RCOR1: variants seen among roughly 807,000 people sequenced by gnomAD.
The protein encoded by RCOR1 is REST corepressor 1.
RCOR1 carries 12 observed loss-of-function variants against 64.0 expected under a neutral mutation model. The ratio of observed to expected loss-of-function variants is 0.19; its 90% CI spans 0.12 to 0.30. The LOEUF (loss-of-function observed/expected upper bound fraction) is 0.30. Ranked by LOEUF, RCOR1 falls within the 10% of genes least tolerant of loss-of-function variation. The pLI is 1.00. For missense variants in RCOR1, 502 were observed against 621.2 expected, an observed-to-expected ratio of 0.81 and a Z score of 2.04; for synonymous variants, 279 against 227.2, an observed-to-expected ratio of 1.23 and a Z score of -2.05.
intron 2 of RCOR1, among the ~76,000 whole-genome samples, chr14:102,659,942 C>T (rs1373738361): frequency 6.6e-6 from 1 of 152,124 alleles, no homozygotes; most frequent in Non-Finnish European, 1.5e-5. Context: ...TCTTTTTACT[C>T]CAGACACTGA....
chr14:102,608,537 C>T (rs1196225078), intron 2 of RCOR1, among the ~76,000 whole-genome samples: 9 of 152,040 alleles, frequency 5.9e-5, no homozygotes, highest in African/African-American at 1.9e-4. Context: ...CTCGTTCAAG[C>T]GATTCTCCTG....
At chr14:102,641,014 G>A (rs571425301) in intron 2 of RCOR1, among the ~76,000 whole-genome samples, 4 of 152,276 alleles carry the variant, frequency 2.6e-5, no homozygotes, top group African/African-American at 9.6e-5. Flanking sequence ...AGCACTTTGG[G>A]AGGCTGAGGC....
At chr14:102,636,067 G>A (rs190673740) in intron 2 of RCOR1, among the ~76,000 whole-genome samples, 3 of 151,862 alleles carry the variant, frequency 2.0e-5, no homozygotes, top group African/African-American at 7.2e-5. Flanking sequence ...TGAGTAGTTG[G>A]GACTACAGGC....
intron 2 of RCOR1, among the ~76,000 whole-genome samples, chr14:102,593,962 CT>C (rs932105963): frequency 1.3e-5 from 2 of 152,022 alleles, no homozygotes; most frequent in Non-Finnish European, 2.9e-5. Flanking sequence ...TGTGTATTTC[CT>C]TTTTTTTGGA....
chr14:102,726,690 C>T lies in RCOR1; in HGVS notation c.*184C>T, dbSNP rs1896270439. ...TTCTTTGCTCGTTCCTCCATGTTGGCGCCACTTCCCAGAGAGCTCCACTGC... is the reference window on the plus strand; with the variant it reads ...TTCTTTGCTCGTTCCTCCATGTTGGTGCCACTTCCCAGAGAGCTCCACTGC... On this transcript the variant is annotated 3_prime_UTR_variant, in exon 12 of 12. Coordinates refer to ENST00000262241, the MANE Select transcript of RCOR1 (RefSeq NM_015156.4). 5.1e-6 allele frequency: 3 copies of T among 584,398 alleles called. No individual in the cohort carries two copies. Among genetic ancestry groups the T allele is most frequent in the Non-Finnish European group, 8.9e-6 (3 of 336,970 alleles). The allele number at this position is 584,398 out of a possible 1,614,324, so 36.2% of individuals were successfully genotyped here. A position where few individuals can be genotyped will look rare whatever the true frequency, so the allele number is the denominator to read the frequency against.
chr14:102,701,136 T>A, intron 3 of RCOR1, 142 bp from the exon 4 acceptor site: 1 of 715,746 alleles, frequency 1.4e-6, no homozygotes, highest in African/African-American at 1.8e-5. Context: ...TTGTGGGAGA[T>A]ACAAATCAAA....
intron 2 of RCOR1, among the ~76,000 whole-genome samples, chr14:102,637,454 T>A (rs920197236): frequency 4.0e-5 from 6 of 151,854 alleles, no homozygotes; most frequent in Non-Finnish European, 8.8e-5. Flanking sequence ...TTTTTTTATT[T>A]AAAAAAATGT....
chr14:102,609,992 A>G (rs1470949132), intron 2 of RCOR1, among the ~76,000 whole-genome samples: 1 of 152,002 alleles, frequency 6.6e-6, no homozygotes, highest in Admixed American at 6.6e-5. Context: ...CTAAACATAC[A>G]AAAATTAGCT....
At position 102,713,110 on chromosome 14, in the gene RCOR1, T is replaced by A. The variant is rs370817547; in HGVS notation, c.859-1313T>A. Among the ~76,000 whole-genome samples the A allele has an allele frequency of 2.6e-4, 39 of 147,798 alleles. No homozygotes were observed. In the South Asian group the frequency reaches 5.0e-3, roughly 19 times the overall value. On this transcript the variant is annotated intron_variant, in intron 7 of 11. Coordinates refer to ENST00000262241, the MANE Select transcript of RCOR1 (RefSeq NM_015156.4). ...CTGGGATTACAGGGGCCCGCAACCA[T>A]GCCTGGCTAATTTTTGTATTTTTAC...
chr14:102,602,036 G>C (rs1893409957), intron 2 of RCOR1, among the ~76,000 whole-genome samples: 1 of 152,012 alleles, frequency 6.6e-6, no homozygotes, highest in Non-Finnish European at 1.5e-5. Context: ...GCGGGTACCT[G>C]TAATCCCAGC....
intron 3 of RCOR1, among the ~76,000 whole-genome samples, chr14:102,693,163 G>T (rs1895571785): frequency 6.6e-6 from 1 of 152,104 alleles, no homozygotes; most frequent in African/African-American, 2.4e-5. Flanking sequence ...CAGTTGAAAA[G>T]AAAGCCCTCC....
rs1328456062 is a variant in RCOR1 at position 102,610,078 on chromosome 14, C to T, written c.361+16753C>T. 8.0e-5 allele frequency among the ~76,000 whole-genome samples: 12 copies of T among 150,572 alleles called. No individual in the cohort carries two copies. The East Asian group carries it at 2.0e-3, about 25-fold the overall frequency. On this transcript the variant is annotated intron_variant, in intron 2 of 11. Transcript: ENST00000262241. Reference sequence around the variant, plus strand: ...CCTGGAGGTGGAGGTTGCAGTGAGCCGAGATTGCGCCATTGCGCTCCAGCC... The same window carrying T: ...CCTGGAGGTGGAGGTTGCAGTGAGCTGAGATTGCGCCATTGCGCTCCAGCC...
At chr14:102,595,169 A>T (rs1462724858) in intron 2 of RCOR1, among the ~76,000 whole-genome samples, 1 of 152,196 alleles carries the variant, frequency 6.6e-6, no homozygotes, top group African/African-American at 2.4e-5. Context: ...GTTGGAATAG[A>T]TATGAGCATA....
chr14:102,624,637 G>A (rs565296490), intron 2 of RCOR1, among the ~76,000 whole-genome samples: 4 of 152,088 alleles, frequency 2.6e-5, no homozygotes, highest in Admixed American at 1.3e-4. Flanking sequence ...GTGATGGTGC[G>A]TACCTATAGT....
chr14:102,711,866 T>G (rs538376872), intron 7 of RCOR1, among the ~76,000 whole-genome samples: 1 of 152,214 alleles, frequency 6.6e-6, no homozygotes, highest in Non-Finnish European at 1.5e-5. Flanking sequence ...TGTCAACCTT[T>G]TGGTGACTTT....
chr14:102,648,501 A>G (rs2139927195), intron 2 of RCOR1, among the ~76,000 whole-genome samples: 1 of 152,288 alleles, frequency 6.6e-6, no homozygotes, highest in African/African-American at 2.4e-5. Flanking sequence ...CTTGAAGTGG[A>G]GAATAGTATT....
chr14:102,676,681 G>A (rs1595225073), intron 2 of RCOR1, among the ~76,000 whole-genome samples: 1 of 115,040 alleles, frequency 8.7e-6, no homozygotes, highest in African/African-American at 3.6e-5. Flanking sequence ...TGGGCGGGGG[G>A]CTGACCCCCC....
intron 2 of RCOR1, among the ~76,000 whole-genome samples, chr14:102,629,298 C>A (rs966381819): frequency 2.6e-5 from 4 of 152,150 alleles, no homozygotes; most frequent in Non-Finnish European, 4.4e-5. Flanking sequence ...TGTTCCCCTT[C>A]CTTGTTTTTC....
chr14:102,620,256 C>T (rs1406456383), intron 2 of RCOR1, among the ~76,000 whole-genome samples: 2 of 151,744 alleles, frequency 1.3e-5, no homozygotes, highest in Non-Finnish European at 2.9e-5. Flanking sequence ...CACACACCCC[C>T]CCACACCCAC....
Sources: allele counts gnomAD v4.1 joint callset (sites outside exome capture counted in the v4.1 genomes callset), GRCh38; gene constraint gnomAD v4.1.1; transcripts MANE v1.5; gene names NCBI Gene and HGNC (gene_info 2026-07-23, HGNC 2026-07-21).